SNRPN: variants seen among roughly 807,000 people sequenced by gnomAD.
The protein encoded by SNRPN is small nuclear ribonucleoprotein-associated protein N.
A neutral mutation model predicts 25.2 loss-of-function variants in SNRPN; 7 were observed. That is an observed-to-expected ratio of 0.28 (90% CI 0.16 to 0.52). The LOEUF (loss-of-function observed/expected upper bound fraction) is 0.52. SNRPN is among the 20% of genes least tolerant of loss of function. The pLI is 0.96. For synonymous variants in SNRPN, 124 were observed against 110.6 expected (o/e 1.12, Z -0.76); for missense variants, 196 against 322.5 (o/e 0.61, Z 3.00).
intron 3 of SNRPN, among the ~76,000 whole-genome samples, chr15:24,944,664 A>T (rs2153098891): frequency 6.6e-6 from 1 of 152,322 alleles, no homozygotes; most frequent in South Asian, 2.1e-4. Context: ...TATTCTTAAG[A>T]TCTGGTTCAG....
At position 24,922,760 on chromosome 15, in the gene SNRPN, T is replaced by C. The variant is rs557266352; in HGVS notation, c.-391+2636T>C. Among the ~76,000 whole-genome samples, 7 of 151,964 alleles carry C rather than the reference T, an allele frequency of 4.6e-5. No homozygotes were observed. In the South Asian group the frequency reaches 1.5e-3, roughly 32 times the overall value. On this transcript the variant is annotated intron_variant, in intron 3 of 11. Coordinates refer to the SNRPN transcript ENST00000400097. ...TTATTGATGGTGTTCTCTCATTATA[T>C]ATAATATATACAGCATGTAGCATGT...
At position 24,961,699 on chromosome 15, in the gene SNRPN, G is replaced by A. The variant is rs143901597; in HGVS notation, c.-390-415G>A. On this transcript the variant is annotated intron_variant, in intron 1 of 9. Coordinates refer to ENST00000390687, the MANE Select transcript of SNRPN (RefSeq NM_003097.6). ...AACTATGTTCTATTCCACTATATAA[G>A]TATGTCTACTGTATCCTAAAAATAT... Among the ~76,000 whole-genome samples the A allele has an allele frequency of 2.2e-3, 332 of 152,166 alleles. 1 individual carries two copies. Among genetic ancestry groups the A allele is most frequent in the African/African-American group, 7.4e-3 (308 of 41,526 alleles).
intron 3 of SNRPN, among the ~76,000 whole-genome samples, chr15:24,931,387 T>A (rs1037404150): frequency 2.6e-5 from 4 of 152,204 alleles, no homozygotes; most frequent in Non-Finnish European, 5.9e-5. Flanking sequence ...AAGTCCAGCA[T>A]GAACTGAACT....
chr15:24,900,798 A>G (rs557383143), intron 2 of SNRPN, among the ~76,000 whole-genome samples: 1 of 152,322 alleles, frequency 6.6e-6, no homozygotes, highest in Non-Finnish European at 1.5e-5. Flanking sequence ...ATTACTGGGG[A>G]TTCAAGATTT....
intron 3 of SNRPN, among the ~76,000 whole-genome samples, chr15:24,923,983 G>A (rs1325476705): frequency 3.9e-5 from 5 of 127,970 alleles, no homozygotes; most frequent in African/African-American, 1.2e-4. Context: ...CAGGCTGGAT[G>A]CCTGGCTTTT....
intron 1 of SNRPN, 103 bp downstream of exon 1, chr15:24,955,165 G>C: frequency 6.7e-7 from 1 of 1,495,144 alleles, no homozygotes; most frequent in Non-Finnish European, 9.2e-7. Context: ...TGAATAAACG[G>C]AATTTGGGCC....
chr15:24,969,077 T>C (rs2076062104), intron 3 of SNRPN, among the ~76,000 whole-genome samples: 1 of 152,208 alleles, frequency 6.6e-6, no homozygotes, highest in Non-Finnish European at 1.5e-5. Flanking sequence ...TGAAGTATTA[T>C]CCTTCAACTT....
intron 3 of SNRPN, among the ~76,000 whole-genome samples, chr15:24,948,847 C>T (rs2062042427): frequency 6.6e-6 from 1 of 151,714 alleles, no homozygotes; most frequent in Non-Finnish European, 1.5e-5. Context: ...CCCAACCATC[C>T]TATGGTTGGA....
chr15:24,942,862 T>C (rs988017566), intron 3 of SNRPN, among the ~76,000 whole-genome samples: 1 of 152,158 alleles, frequency 6.6e-6, no homozygotes, highest in East Asian at 1.9e-4. Context: ...GCCAAACCCA[T>C]GCGTAACCTT....
chr15:24,891,013 C>T (rs2057625079), intron 2 of SNRPN, among the ~76,000 whole-genome samples: 1 of 152,234 alleles, frequency 6.6e-6, no homozygotes, highest in African/African-American at 2.4e-5. Flanking sequence ...CAGGTCCAAT[C>T]AGTTCTTGTG....
intron 1 of SNRPN, among the ~76,000 whole-genome samples, chr15:24,955,641 C>T (rs951230987): frequency 2.8e-5 from 3 of 108,092 alleles, no homozygotes; most frequent in African/African-American, 1.1e-4. Context: ...GGCGAGGAGG[C>T]TATGGCAGTG....
At chr15:24,918,420 GTATATATAACATAATATATATGTGTA>G (rs1566908735) in intron 2 of SNRPN, among the ~76,000 whole-genome samples, 17 of 36,746 alleles carry the variant, frequency 4.6e-4, no homozygotes, top group East Asian at 3.2e-3. Flanking sequence ...ATATATATGT[GTATATATAACATAATATATATGTGTA>G]TATATATAAC....
rs201259332 is a variant in SNRPN at position 24,955,075 on chromosome 15, G to A, written c.-391+13G>A. 1.1e-4 allele frequency: 182 copies of A among 1,613,408 alleles called. No homozygotes were observed. The highest frequency in any genetic ancestry group is 1.5e-4 in the Non-Finnish European group (174 of 1,180,010). On this transcript the variant is annotated intron_variant, in intron 1 of 9. Coordinates refer to ENST00000390687, the MANE Select transcript of SNRPN (RefSeq NM_003097.6). ...TGGAGCGGGCAAGGTCAGCTGTGCC[G>A]GTGGCTTCTCTCAAGAGACAGCCTG...
chr15:24,933,330 C>T (rs543342387), intron 3 of SNRPN, among the ~76,000 whole-genome samples: 7 of 141,908 alleles, frequency 4.9e-5, no homozygotes, highest in African/African-American at 7.6e-5. Context: ...CTCTGGAGGG[C>T]GGCTGGTTTA....
At chr15:24,940,511 C>T (rs530626633) in intron 3 of SNRPN, among the ~76,000 whole-genome samples, 99 of 152,246 alleles carry the variant, frequency 6.5e-4, no homozygotes, top group Non-Finnish European at 1.3e-3. Context: ...ATCATTTGAC[C>T]ATATGGAAGA....
At position 24,978,287 on chromosome 15, in the gene SNRPN, G is replaced by A. The variant is rs1177734347; in HGVS notation, c.654G>A (p.Pro218=). The A allele has an allele frequency of 6.2e-6, 10 of 1,613,960 alleles. No individual in the cohort carries two copies. Among genetic ancestry groups the A allele is most frequent in the African/African-American group, 5.3e-5 (4 of 74,898 alleles). ...GGACGCCAATAGGCATGCCGCCTCC[G>A]GGAATGAGACCCCCTCCACCAGGCA... ...ARGTPIGMPP[P]GMRPPPPGIR... is the part of the protein sequence containing the mutation. Residue 218 remains proline (P), a synonymous_variant, in exon 9 of 10, where the codon CCG becomes CCA. Coordinates refer to ENST00000390687, the MANE Select transcript of SNRPN (RefSeq NM_003097.6).
chr15:24,883,822 G>A (rs956136671), intron 1 of SNRPN, among the ~76,000 whole-genome samples: 1 of 151,692 alleles, frequency 6.6e-6, no homozygotes, highest in Non-Finnish European at 1.5e-5. Flanking sequence ...GACTAGCCTG[G>A]CCAACATGGT....
intron 2 of SNRPN, among the ~76,000 whole-genome samples, chr15:24,834,743 C>CTCTG: frequency 1.3e-5 from 1 of 77,128 alleles, no homozygotes; most frequent in Non-Finnish European, 2.4e-5. Flanking sequence ...CTCTCTCTCT[C>CTCTG]TCTCTCTCTA....
intron 2 of SNRPN, chr15:24,912,288 T>C (rs1353044276): frequency 1.3e-5 from 2 of 152,168 alleles, no homozygotes; most frequent in Non-Finnish European, 2.9e-5. Flanking sequence ...TTTCTGACTT[T>C]TATAAAGGGA....
Sources: gnomAD v4.1 joint callset for allele counts (sites outside exome capture counted in the v4.1 genomes callset) on GRCh38, gnomAD v4.1.1 for gene constraint, MANE v1.5 for transcripts, NCBI Gene and HGNC (gene_info 2026-07-23, HGNC 2026-07-21) for gene names.